PRMT8: variants seen among roughly 807,000 people sequenced by gnomAD.
The protein encoded by PRMT8 is protein arginine methyltransferase 8.
Under a neutral mutation model 47.1 loss-of-function variants are expected in PRMT8, and 7 were observed. The ratio of observed to expected loss-of-function variants is 0.15; its 90% CI spans 0.08 to 0.28. The LOEUF is 0.28. Among genes scored for constraint, PRMT8 ranks in the 10% least tolerant of loss-of-function variants. The pLI is 1.00. For synonymous variants in PRMT8, 188 were observed against 186.5 expected, an observed-to-expected ratio of 1.01 and a Z score of -0.07; for missense variants, 237 against 505.4, an observed-to-expected ratio of 0.47 and a Z score of 5.09.
intron 6 of PRMT8, among the ~76,000 whole-genome samples, chr12:3,571,345 T>A (rs1866841303): frequency 6.6e-6 from 1 of 152,248 alleles, no homozygotes; most frequent in South Asian, 2.1e-4. Flanking sequence ...TGCTGTGCAA[T>A]TGTACTGAAT....
chr12:3,556,826 AGTGGAGGGGTGGTCTTTGCCTTGCACAG>A lies in PRMT8; in HGVS notation c.481+3145_481+3172del, dbSNP rs566611666. Reference sequence around the variant, plus strand: ...GTCAGGGGTGGCTTTTGCCCTGCCCAGTGGAGGGGTGGTCTTTGCCTTGCACAGGTGGAGGGGTGGTCTTTGCCTTGCA... The same window carrying A: ...GTCAGGGGTGGCTTTTGCCCTGCCCAGTGGAGGGGTGGTCTTTGCCTTGCA... On this transcript the variant is annotated intron_variant, in intron 4 of 9. Transcript: ENST00000382622. 9.8e-4 allele frequency among the ~76,000 whole-genome samples: 149 copies of A among 152,166 alleles called. 1 individual carries two copies. Among genetic ancestry groups the A allele is most frequent in the African/African-American group, 3.3e-3 (138 of 41,492 alleles).
intron 6 of PRMT8, among the ~76,000 whole-genome samples, chr12:3,573,455 A>G (rs914655175): frequency 6.6e-5 from 10 of 152,330 alleles, no homozygotes; most frequent in East Asian, 5.8e-4. Flanking sequence ...GGATAATTCT[A>G]ACATCTGAGC....
intron 1 of PRMT8, among the ~76,000 whole-genome samples, chr12:3,457,150 A>AGT (rs1280861634): frequency 1.3e-5 from 2 of 152,100 alleles, no homozygotes; most frequent in Non-Finnish European, 2.9e-5. Context: ...GCAGTGTCTG[A>AGT]GTGAGCTCTG....
At chr12:3,515,064 C>T (rs1381039982) in intron 1 of PRMT8, among the ~76,000 whole-genome samples, 1 of 152,204 alleles carries the variant, frequency 6.6e-6, no homozygotes, top group Non-Finnish European at 1.5e-5. Flanking sequence ...TAAGGATATA[C>T]TAATGTCTCC....
At chr12:3,451,282 A>T (rs1200783081) in intron 1 of PRMT8, among the ~76,000 whole-genome samples, 1 of 152,156 alleles carries the variant, frequency 6.6e-6, no homozygotes, top group Non-Finnish European at 1.5e-5. Flanking sequence ...TTCAGCTTAC[A>T]GATGAGCATA....
chr12:3,589,606 T>G (rs1017474232), intron 8 of PRMT8, among the ~76,000 whole-genome samples: 3 of 152,226 alleles, frequency 2.0e-5, no homozygotes, highest in Non-Finnish European at 4.4e-5. Context: ...CAGCTTCTCC[T>G]GGGCACTTTG....
At chr12:3,457,997 C>A (rs774761633) in intron 1 of PRMT8, among the ~76,000 whole-genome samples, 2 of 152,146 alleles carry the variant, frequency 1.3e-5, no homozygotes, top group Non-Finnish European at 2.9e-5. Flanking sequence ...CATGTGCCAT[C>A]ATGCCCAGCT....
intron 1 of PRMT8, among the ~76,000 whole-genome samples, chr12:3,525,112 C>T (rs1865933657): frequency 6.6e-6 from 1 of 152,108 alleles, no homozygotes; most frequent in African/African-American, 2.4e-5. Flanking sequence ...ATCCCAGCCA[C>T]TTAGGGGACT....
At chr12:3,483,169 G>A (rs955436366) in intron 1 of PRMT8, among the ~76,000 whole-genome samples, 10 of 152,212 alleles carry the variant, frequency 6.6e-5, no homozygotes, top group African/African-American at 2.2e-4. Context: ...TCCACGGGAA[G>A]CACACAGCAC....
chr12:3,530,455 TG>T (rs970754967), intron 1 of PRMT8, among the ~76,000 whole-genome samples: 1 of 152,188 alleles, frequency 6.6e-6, no homozygotes, highest in African/African-American at 2.4e-5. Flanking sequence ...GGAGACAATT[TG>T]CCAGCAAAAT....
chr12:3,428,100 C>G (rs1864625706), intron 1 of PRMT8, among the ~76,000 whole-genome samples: 1 of 152,172 alleles, frequency 6.6e-6, no homozygotes. Flanking sequence ...CCTGGAGGAA[C>G]CATCTATCAT....
chr12:3,534,114 C>G (rs745534122), intron 1 of PRMT8, among the ~76,000 whole-genome samples: 2 of 152,242 alleles, frequency 1.3e-5, no homozygotes, highest in Non-Finnish European at 2.9e-5. Context: ...TCCTGCCACC[C>G]CTACTCTGTC....
chr12:3,454,902 A>G lies in PRMT8; in HGVS notation c.48+73460A>G, dbSNP rs185492440. ...TTTGAGATAGTCCTTCAGGTCCTAC[A>G]TACCTGTGAAATTACCACGTCAGCT... is the stretch of plus-strand genomic sequence containing the variant. On this transcript the variant is annotated intron_variant, in intron 1 of 9. Transcript: ENST00000452611. Among the ~76,000 whole-genome samples, 24 of 152,338 alleles carry G rather than the reference A, an allele frequency of 1.6e-4. No homozygotes were observed. In the East Asian group the frequency reaches 2.9e-3, roughly 18 times the overall value.
At chr12:3,588,345 C>T (rs537142387) in intron 8 of PRMT8, among the ~76,000 whole-genome samples, 3 of 152,254 alleles carry the variant, frequency 2.0e-5, no homozygotes, top group South Asian at 4.1e-4. Context: ...CCAGAAAGGA[C>T]GACCAGCCAC....
intron 1 of PRMT8, among the ~76,000 whole-genome samples, chr12:3,398,226 C>T (rs1054920571): frequency 1.3e-5 from 2 of 152,126 alleles, no homozygotes; most frequent in East Asian, 1.9e-4. Context: ...CATCTTGGCT[C>T]CTCCCTCGAA....
intron 1 of PRMT8, among the ~76,000 whole-genome samples, chr12:3,506,872 A>C (rs1435226476): frequency 1.3e-5 from 2 of 151,470 alleles, no homozygotes; most frequent in African/African-American, 4.9e-5. Context: ...CATGGATAGG[A>C]GGTAGGAGAG....
Position 3,425,085 on chromosome 12 carries a change from C to T in PRMT8, c.48+43643C>T, listed in dbSNP as rs920829894. ...CTGCTAGAATAAGCTGGGTCCAACA[C>T]CTCTACACAGTTATGTTCAACTGGG... On this transcript the variant is annotated intron_variant, in intron 1 of 9. Coordinates refer to the PRMT8 transcript ENST00000452611. Among the ~76,000 whole-genome samples the T allele has an allele frequency of 5.3e-5, 8 of 152,140 alleles. No homozygotes were observed. The East Asian group carries it at 1.5e-3, about 29-fold the overall frequency.
At chr12:3,431,743 C>T (rs1864680902) in intron 1 of PRMT8, among the ~76,000 whole-genome samples, 1 of 152,174 alleles carries the variant, frequency 6.6e-6, no homozygotes, top group Non-Finnish European at 1.5e-5. Context: ...CTCAGAGAGT[C>T]TGAGCCAAGG....
chr12:3,450,163 CTTT>C lies in PRMT8; in HGVS notation c.48+68722_48+68724del, dbSNP rs1485960017. ...AAAGATAATAATAGTGGATATTCTT[CTTT>C]GATACTACACCAAAACTCAAAAAGT... On this transcript the variant is annotated intron_variant, in intron 1 of 9. Coordinates refer to the PRMT8 transcript ENST00000452611. Among the ~76,000 whole-genome samples the C allele has an allele frequency of 2.6e-4, 40 of 152,098 alleles. 1 individual carries two copies. The highest frequency in any genetic ancestry group is 2.6e-3 in the Admixed American group (40 of 15,274).
Sources: gnomAD v4.1 joint callset for allele counts (sites outside exome capture counted in the v4.1 genomes callset) on GRCh38, gnomAD v4.1.1 for gene constraint, MANE v1.5 for transcripts, NCBI Gene and HGNC (gene_info 2026-07-23, HGNC 2026-07-21) for gene names.